KHDRBS2: variants seen among roughly 807,000 people sequenced by gnomAD.
KHDRBS2 encodes KH RNA binding domain containing, signal transduction associated 2, also known as KH domain-containing, RNA-binding, signal transduction-associated protein 2.
A neutral mutation model predicts 44.3 loss-of-function variants in KHDRBS2; 26 were observed. The ratio of observed to expected loss-of-function variants is 0.59; its 90% CI spans 0.43 to 0.81. The LOEUF is 0.81. KHDRBS2 is among the 40% of genes least tolerant of loss of function. The pLI is 0.00. For missense variants in KHDRBS2, 476 were observed against 433.1 expected, an observed-to-expected ratio of 1.10 and a Z score of -0.88; for synonymous variants, 194 against 151.1, an observed-to-expected ratio of 1.28 and a Z score of -2.08.
At chr6:62,243,878 T>G (rs1244910145) in intron 1 of KHDRBS2, among the ~76,000 whole-genome samples, 1 of 152,164 alleles carries the variant, frequency 6.6e-6, no homozygotes, top group African/African-American at 2.4e-5. Flanking sequence ...ATGGTGGCTG[T>G]GAATCTTTAA....
chr6:61,594,044 A>G, the KHDRBS2 span, among the ~76,000 whole-genome samples: 1 of 152,064 alleles, frequency 6.6e-6, no homozygotes, highest in Admixed American at 6.6e-5. Flanking sequence ...GAGCTCATAC[A>G]AATATGTATA....
intron 6 of KHDRBS2, among the ~76,000 whole-genome samples, chr6:61,810,888 G>A (rs977638190): frequency 1.3e-5 from 2 of 151,968 alleles, no homozygotes; most frequent in African/African-American, 4.8e-5. Flanking sequence ...ATGCATTTTT[G>A]TTCTTACTCC....
At chr6:61,738,719 T>C (rs1775743884) in intron 6 of KHDRBS2, among the ~76,000 whole-genome samples, 1 of 151,954 alleles carries the variant, frequency 6.6e-6, no homozygotes, top group Non-Finnish European at 1.5e-5. Flanking sequence ...AAATCTACCC[T>C]GGAAAATGCA....
chr6:61,623,463 TG>T, the KHDRBS2 span, among the ~76,000 whole-genome samples: 1 of 152,166 alleles, frequency 6.6e-6, no homozygotes, highest in Non-Finnish European at 1.5e-5. Flanking sequence ...CAGCTCCTGC[TG>T]TGTTGCTGAG....
At chr6:61,736,610 C>T (rs958414230) in intron 6 of KHDRBS2, among the ~76,000 whole-genome samples, 1 of 152,010 alleles carries the variant, frequency 6.6e-6, no homozygotes, top group African/African-American at 2.4e-5. Context: ...TTTTGTTTCA[C>T]TTTATTTTTG....
At chr6:62,207,464 C>A (rs1389453235) in intron 1 of KHDRBS2, among the ~76,000 whole-genome samples, 1 of 152,060 alleles carries the variant, frequency 6.6e-6, no homozygotes. Context: ...AAACCTGATA[C>A]CTACTTAGCC....
chr6:61,717,357 G>GA (rs1002920888), intron 7 of KHDRBS2, among the ~76,000 whole-genome samples: 9 of 151,484 alleles, frequency 5.9e-5, no homozygotes, highest in East Asian at 1.9e-4. Flanking sequence ...AAGAGAGAGA[G>GA]AAAAAAAACA....
intron 6 of KHDRBS2, among the ~76,000 whole-genome samples, chr6:61,870,558 GA>G (rs1305840734): frequency 6.6e-6 from 1 of 152,098 alleles, no homozygotes; most frequent in African/African-American, 2.4e-5. Context: ...GTGGGTCTCT[GA>G]CCCCCATGTA....
At chr6:61,954,396 C>CGTATGTATGCATGCATACATATATAT (rs1765544205) in intron 4 of KHDRBS2, among the ~76,000 whole-genome samples, 1 of 83,444 alleles carries the variant, frequency 1.2e-5, no homozygotes, top group Non-Finnish European at 3.2e-5. Flanking sequence ...TACATATATA[C>CGTATGTATGCATGCATACATATATAT]GTATGTATGC....
intron 2 of KHDRBS2, among the ~76,000 whole-genome samples, chr6:62,131,039 T>C (rs1810179356): frequency 6.6e-6 from 1 of 152,090 alleles, no homozygotes; most frequent in Non-Finnish European, 1.5e-5. Context: ...ATTAACATTA[T>C]TATTTTAAGA....
intron 4 of KHDRBS2, among the ~76,000 whole-genome samples, chr6:61,936,216 C>T (rs1244825935): frequency 2.6e-5 from 4 of 151,948 alleles, no homozygotes; most frequent in Non-Finnish European, 5.9e-5. Context: ...CTATTTTGTA[C>T]CTTCCACTAG....
rs574059776 is a variant in KHDRBS2, at chr6:62,047,582, A to T, written c.336+296T>A. ...GGAATTAAAGAAAATGAACACAGAC[A>T]TATAGAAACATTCTACAGAGGACAC... On this transcript the variant is annotated intron_variant, in intron 3 of 8. Transcript: ENST00000281156. Among the ~76,000 whole-genome samples the T allele has an allele frequency of 7.2e-5, 11 of 152,092 alleles. No homozygotes were observed. In the South Asian group the frequency reaches 2.3e-3, roughly 32 times the overall value.
intron 6 of KHDRBS2, among the ~76,000 whole-genome samples, chr6:61,810,037 A>G (rs73758026): frequency 0.011 from 1,728 of 152,230 alleles, 33 homozygotes; most frequent in African/African-American, 0.04. Context: ...AAGGTAGACT[A>G]TGACAGATAA....
At chr6:62,004,645 C>T (rs1392375820) in intron 3 of KHDRBS2, among the ~76,000 whole-genome samples, 1 of 152,116 alleles carries the variant, frequency 6.6e-6, no homozygotes, top group Non-Finnish European at 1.5e-5. Flanking sequence ...AGGGAATCCT[C>T]CCTAACTCAT....
intron 7 of KHDRBS2, among the ~76,000 whole-genome samples, chr6:61,709,747 T>C (rs1402667294): frequency 6.6e-6 from 1 of 151,704 alleles, no homozygotes; most frequent in African/African-American, 2.4e-5. Context: ...CAGTGGTACA[T>C]GACGTTATTA....
chr6:61,738,450 A>C (rs1775702454), intron 6 of KHDRBS2, among the ~76,000 whole-genome samples: 1 of 152,130 alleles, frequency 6.6e-6, no homozygotes, highest in South Asian at 2.1e-4. Flanking sequence ...AAATGAGACA[A>C]GTCCTTATAG....
chr6:62,072,009 T>G lies in KHDRBS2; in HGVS notation c.220-24015A>C, dbSNP rs1584513004. Reference sequence around the variant, plus strand: ...TCTTCCATTTGTTTGTATACTCTTTTATTTCCTTGAGCAGTGGTTTGTAGT... The same window carrying G: ...TCTTCCATTTGTTTGTATACTCTTTGATTTCCTTGAGCAGTGGTTTGTAGT... On this transcript the variant is annotated intron_variant, in intron 2 of 8. Coordinates refer to ENST00000281156, the MANE Select transcript of KHDRBS2 (RefSeq NM_152688.4). 5.9e-5 allele frequency among the ~76,000 whole-genome samples: 9 copies of G among 152,318 alleles called. 1 individual carries two copies. The South Asian group carries it at 1.9e-3, about 32-fold the overall frequency.
chr6:61,813,586 C>A (rs1318673183), intron 6 of KHDRBS2, among the ~76,000 whole-genome samples: 1 of 152,110 alleles, frequency 6.6e-6, no homozygotes, highest in Admixed American at 6.6e-5. Context: ...TTTTGCATGT[C>A]ATTTGCAGGA....
intron 6 of KHDRBS2, among the ~76,000 whole-genome samples, chr6:61,875,362 C>T (rs1008060241): frequency 1.3e-4 from 20 of 152,028 alleles, no homozygotes; most frequent in Non-Finnish European, 2.4e-4. Flanking sequence ...AGAAGCTAAG[C>T]TTGTCCATAA....
Sources: gnomAD v4.1 joint callset for allele counts (sites outside exome capture counted in the v4.1 genomes callset) on GRCh38, gnomAD v4.1.1 for gene constraint, MANE v1.5 for transcripts, NCBI Gene and HGNC (gene_info 2026-07-23, HGNC 2026-07-21) for gene names.